The following EDARADD variants were observed in gnomAD, a reference collection of about 807,000 sequenced individuals.
The protein encoded by EDARADD is EDAR associated via death domain.
A neutral mutation model predicts 25.6 loss-of-function variants in EDARADD; 20 were observed. That is an observed-to-expected ratio of 0.78 (90% CI 0.55 to 1.14). The LOEUF (loss-of-function observed/expected upper bound fraction) is 1.14. Ranked by LOEUF, EDARADD falls within the 50% of genes most tolerant of loss-of-function variation. The pLI, the probability that EDARADD is intolerant of heterozygous loss-of-function variation, is 0.00. For missense variants in EDARADD, 225 were observed against 270.1 expected, an observed-to-expected ratio of 0.83 and a Z score of 1.17; for synonymous variants, 86 against 94.4, an observed-to-expected ratio of 0.91 and a Z score of 0.52.
chr1:236,440,354 C>G (rs898470164), intron 4 of EDARADD, among the ~76,000 whole-genome samples: 2 of 152,086 alleles, frequency 1.3e-5, no homozygotes, highest in African/African-American at 4.8e-5. Context: ...TATTCTGGGT[C>G]TTTTTGTCCC....
At chr1:236,390,588 A>G (rs1394939776), upstream of EDARADD, among the ~76,000 whole-genome samples, 1 of 151,814 alleles carries the variant, frequency 6.6e-6, no homozygotes. Context: ...ACCAAATACC[A>G]CCTGTACCCC....
chr1:236,422,771 C>T (rs879838606), intron 3 of EDARADD, among the ~76,000 whole-genome samples: 5 of 152,176 alleles, frequency 3.3e-5, no homozygotes, highest in African/African-American at 1.2e-4. Flanking sequence ...ATGGGGGAAG[C>T]CACCCCTTCC....
At chr1:236,422,619 C>T (rs975884179) in intron 3 of EDARADD, among the ~76,000 whole-genome samples, 5 of 152,162 alleles carry the variant, frequency 3.3e-5, no homozygotes, top group African/African-American at 1.2e-4. Context: ...TGAGCTTCAT[C>T]GTGTATGATG....
intron 1 of EDARADD, among the ~76,000 whole-genome samples, chr1:236,405,790 T>TTTCTTTTCTTTCTTTCTTTCTTTC (rs750188716): frequency 2.0e-5 from 1 of 49,562 alleles, no homozygotes; most frequent in African/African-American, 6.7e-5. Flanking sequence ...TCTTTCTTTC[T>TTTCTTTTCTTTCTTTCTTTCTTTC]TTTCTTTTTC....
At chr1:236,455,762 A>T (rs1658841072) in intron 4 of EDARADD, among the ~76,000 whole-genome samples, 1 of 151,996 alleles carries the variant, frequency 6.6e-6, no homozygotes, top group Non-Finnish European at 1.5e-5. Flanking sequence ...AGGAAATCTC[A>T]AGGGGTCGGT....
In EDARADD at chr1:236,394,406, C is replaced by A; in HGVS notation, c.-39C>A. Reference sequence around the variant, plus strand: ...TCGCAATCTGTTGCTTCTTCCATGGCAAACTCCAGAGAATTAAGAAGCCAA... The same window carrying A: ...TCGCAATCTGTTGCTTCTTCCATGGAAAACTCCAGAGAATTAAGAAGCCAA... On this transcript the variant is annotated 5_prime_UTR_variant, in exon 1 of 6. Transcript: ENST00000334232. The A allele has an allele frequency of 6.2e-7, 1 of 1,610,942 alleles. No individual in the cohort carries two copies. The highest frequency in any genetic ancestry group is 8.5e-7 in the Non-Finnish European group (1 of 1,177,172).
chr1:236,472,157 C>T (rs1226936352), intron 5 of EDARADD, among the ~76,000 whole-genome samples: 2 of 152,072 alleles, frequency 1.3e-5, no homozygotes, highest in Non-Finnish European at 2.9e-5. Context: ...CCATGGAAAA[C>T]CCACTCATCA....
chr1:236,399,191 A>T (rs111943542), intron 1 of EDARADD, among the ~76,000 whole-genome samples: 9 of 152,124 alleles, frequency 5.9e-5, no homozygotes, highest in East Asian at 1.9e-4. Flanking sequence ...TTTATTTATT[A>T]ATTTTTTTGA....
At chr1:236,464,551 C>G (rs1659136593) in intron 4 of EDARADD, among the ~76,000 whole-genome samples, 2 of 150,750 alleles carry the variant, frequency 1.3e-5, no homozygotes, top group Middle Eastern at 3.2e-3. Context: ...TCCTGCCTCA[C>G]CCTCCTGAGT....
chr1:236,394,200 A>G (rs748560709), upstream of EDARADD: 342 of 501,884 alleles, frequency 6.8e-4, no homozygotes, highest in Middle Eastern at 1.1e-3. Flanking sequence ...CTCCATGAGA[A>G]GTACAGAAAG....
intron 3 of EDARADD, 73 bp downstream of exon 3, chr1:236,414,372 A>C: frequency 8.3e-7 from 1 of 1,210,996 alleles, no homozygotes; most frequent in Non-Finnish European, 1.2e-6. Flanking sequence ...AGTCGACCTA[A>C]TTTTTCATTA....
chr1:236,401,304 C>A (rs1667608750), intron 1 of EDARADD, among the ~76,000 whole-genome samples: 1 of 152,184 alleles, frequency 6.6e-6, no homozygotes, highest in Non-Finnish European at 1.5e-5. Flanking sequence ...AGCACAGTGA[C>A]TGCACTTTTC....
At position 236,482,525 on chromosome 1, in the gene EDARADD, CG is replaced by C. The variant is rs1659707149; in HGVS notation, c.526del (p.Val176TrpfsTer4). 6.2e-7 allele frequency: 1 copy of C among 1,612,768 alleles called. No individual in the cohort carries two copies. The highest frequency in any genetic ancestry group is 8.5e-7 in the Non-Finnish European group (1 of 1,179,182). On this transcript the variant is annotated frameshift_variant, in exon 6 of 6. Coordinates refer to ENST00000334232, the MANE Select transcript of EDARADD (RefSeq NM_145861.4). LOFTEE classifies it high-confidence loss of function. The stretch of plus-strand genomic sequence containing the variant: ...TTCTTGCTCCGGAACAGTCAGAGGA[CG>C]GTGGGCCAGCTGATGGAGCTCTGCA... ...LEFLLRNSQR[T>X]VGQLMELCRL...
At chr1:236,405,822 T>TTCCTTCCTTCC (rs1667711688) in intron 1 of EDARADD, among the ~76,000 whole-genome samples, 5 of 55,472 alleles carry the variant, frequency 9.0e-5, no homozygotes, top group Admixed American at 2.1e-4. Flanking sequence ...CCTTCCTTCC[T>TTCCTTCCTTCC]TTCCTTCCTT....
chr1:236,426,623 AG>A (rs929239231), intron 3 of EDARADD, among the ~76,000 whole-genome samples: 1 of 152,204 alleles, frequency 6.6e-6, no homozygotes, highest in Admixed American at 6.5e-5. Context: ...AAAAATAAGC[AG>A]GGGGCAGTCA....
At chr1:236,471,581 TA>T (rs1250458444) in intron 5 of EDARADD, among the ~76,000 whole-genome samples, 1 of 152,136 alleles carries the variant, frequency 6.6e-6, no homozygotes, top group Non-Finnish European at 1.5e-5. Flanking sequence ...TGACCATGTA[TA>T]ACCACCTGGG....
intron 1 of EDARADD, among the ~76,000 whole-genome samples, chr1:236,396,195 A>ATCCCATCTGTGATTAGAATGGCC (rs1214154837): frequency 6.6e-6 from 1 of 152,032 alleles, no homozygotes; most frequent in African/African-American, 2.4e-5. Flanking sequence ...CACCTGTGGG[A>ATCCCATCTGTGATTAGAATGGCC]TCCCATCTGT....
chr1:236,469,614 G>T (rs537807568), intron 5 of EDARADD, among the ~76,000 whole-genome samples: 3 of 152,090 alleles, frequency 2.0e-5, no homozygotes, highest in African/African-American at 2.4e-5. Context: ...TGGGGAACCC[G>T]TAGAGCCCTC....
chr1:236,386,908 C>G (rs1259699386), intron 3 of EDARADD, among the ~76,000 whole-genome samples: 31 of 69,180 alleles, frequency 4.5e-4, no homozygotes, highest in African/African-American at 8.3e-4. Flanking sequence ...GCCGTGCCGT[C>G]CGGGAGGGAG....
Sources: allele counts gnomAD v4.1 joint callset (sites outside exome capture counted in the v4.1 genomes callset), GRCh38; gene constraint gnomAD v4.1.1; transcripts MANE v1.5; gene names NCBI Gene and HGNC (gene_info 2026-07-23, HGNC 2026-07-21).